Variants in JADE2 observed in about 807,000 individuals in gnomAD.
JADE2 encodes the protein jade family PHD finger 2.
Under a neutral mutation model 85.7 loss-of-function variants are expected in JADE2, and 13 were observed. The observed-to-expected ratio is 0.15, with a 90% CI of 0.10 to 0.24. JADE2 has a LOEUF of 0.24. Ranked by LOEUF, JADE2 falls within the 10% of genes least tolerant of loss-of-function variation. JADE2 has a pLI of 1.00. For synonymous variants in JADE2, 440 were observed against 456.1 expected (o/e 0.96, Z 0.45); for missense variants, 846 against 1,115.9 (o/e 0.76, Z 3.45).
At chr5:134,564,424 C>T in intron 7 of JADE2, 70 bp from the exon 8 acceptor site, 2 of 1,051,132 alleles carry the variant, frequency 1.9e-6, no homozygotes, top group Non-Finnish European at 2.7e-6. Context: ...CAGACAAACC[C>T]CCATTTTGGA....
At chr5:134,536,983 T>C (rs1034585776) in intron 2 of JADE2, among the ~76,000 whole-genome samples, 1 of 152,220 alleles carries the variant, frequency 6.6e-6, no homozygotes, top group African/African-American at 2.4e-5. Flanking sequence ...TTGTTGTCCT[T>C]TGGGCTCTGT....
intron 1 of JADE2, 35 bp from the exon 2 acceptor site, chr5:134,535,823 A>G (rs1055003625): frequency 3.1e-6 from 5 of 1,599,892 alleles, no homozygotes; most frequent in Non-Finnish European, 4.3e-6. Context: ...TTCCCAAGCC[A>G]TCCGTGAGTA....
At chr5:134,567,514 A>G (rs1175955105) in intron 9 of JADE2, among the ~76,000 whole-genome samples, 1 of 151,936 alleles carries the variant, frequency 6.6e-6, no homozygotes, top group African/African-American at 2.4e-5. Context: ...AGCATATGGG[A>G]CCGTGTCACA....
chr5:134,573,849 T>C (rs761052119), intron 10 of JADE2, 87 bp downstream of exon 10: 1 of 872,298 alleles, frequency 1.1e-6, no homozygotes, highest in Non-Finnish European at 2.0e-6. Flanking sequence ...CTTTGGATCC[T>C]GGTGGGGGTA....
Position 134,538,150 on chromosome 5 carries a change from G to T in JADE2, c.153+67G>T, listed in dbSNP as rs1043376361. On this transcript the variant is annotated intron_variant, in intron 3 of 11. Transcript: ENST00000681547. ...AGTGAGCTGCCCTGCGGAGACTGGG[G>T]CAGAGCATTCCTGGCAGAGGGCACG... 1.6e-5 allele frequency: 21 copies of T among 1,310,418 alleles called. No homozygotes were observed. The African/African-American group carries it at 2.2e-4, about 14-fold the overall frequency. The allele number at this position is 1,310,418 out of a possible 1,614,324, so 81.2% of individuals were successfully genotyped here.
At chr5:134,573,800 T>C (rs1451294695) in intron 10 of JADE2, 38 bp downstream of exon 10, 1 of 1,227,560 alleles carries the variant, frequency 8.1e-7, no homozygotes, top group Non-Finnish European at 1.2e-6. Context: ...CACCTCCCTG[T>C]GCCCTCTCTT....
chr5:134,559,316 C>T (rs571988083), intron 4 of JADE2, among the ~76,000 whole-genome samples: 39 of 152,268 alleles, frequency 2.6e-4, no homozygotes, highest in Non-Finnish European at 4.9e-4. Flanking sequence ...TCTGAGAGTA[C>T]GTAGACAACC....
At chr5:134,539,298 T>C (rs1013027034) in intron 3 of JADE2, among the ~76,000 whole-genome samples, 27 of 151,950 alleles carry the variant, frequency 1.8e-4, no homozygotes, top group East Asian at 7.8e-4. Context: ...CTCCTGACCT[T>C]GTGATCCGCC....
intron 3 of JADE2, among the ~76,000 whole-genome samples, chr5:134,543,351 G>C (rs910939063): frequency 6.7e-6 from 1 of 149,432 alleles, no homozygotes; most frequent in Non-Finnish European, 1.5e-5. Flanking sequence ...TTTTTAACAA[G>C]ACCTGCTATT....
rs1763403609 is a variant in JADE2, at chr5:134,562,764, A to G, written c.852+397A>G. Among the ~76,000 whole-genome samples the G allele has an allele frequency of 6.6e-6, 1 of 152,012 alleles. No homozygotes were observed. The highest frequency in any genetic ancestry group is 1.5e-5 in the Non-Finnish European group (1 of 67,970). On this transcript the variant is annotated intron_variant, in intron 7 of 11. Coordinates refer to ENST00000681547, the MANE Select transcript of JADE2 (RefSeq NM_001388185.1). This position sits in a 1 kb window ranked among gnomAD's most constrained non-coding sequence, Gnocchi z 4.6. ...GGGTGACAGAGCAAGACTCCGTCTG[A>G]AAAACAAAACAAAACAAAGCACACA...
chr5:134,564,624 T>C lies in JADE2; in HGVS notation c.969+14T>C. Reference sequence around the variant, plus strand: ...ACCTGCATCCAGGTATGTGGCCTACTTCACCTCCTGCTGCCAGGAGCTGGC... The same window carrying C: ...ACCTGCATCCAGGTATGTGGCCTACCTCACCTCCTGCTGCCAGGAGCTGGC... On this transcript the variant is annotated intron_variant, in intron 8 of 11. Transcript: ENST00000681547. 6.7e-7 allele frequency: 1 copy of C among 1,496,252 alleles called. No individual in the cohort carries two copies. Among genetic ancestry groups the C allele is most frequent in the Non-Finnish European group, 9.0e-7 (1 of 1,107,178 alleles). The allele number at this position is 1,496,252 out of a possible 1,614,324, so 92.7% of individuals were successfully genotyped here.
rs1207093951 is a variant in JADE2, at chr5:134,562,195, C to T, written c.685-5C>T. The T allele has an allele frequency of 2.5e-6, 4 of 1,607,464 alleles. No homozygotes were observed. The highest frequency in any genetic ancestry group is 2.5e-6 in the Non-Finnish European group (3 of 1,176,734). On this transcript the variant is annotated splice_region_variant and splice_polypyrimidine_tract_variant and intron_variant, in intron 6 of 11. Coordinates refer to ENST00000681547, the MANE Select transcript of JADE2 (RefSeq NM_001388185.1). This position sits in a 1 kb window ranked among gnomAD's most constrained non-coding sequence, Gnocchi z 4.6. ...CTGACTCATGACCACCCTGCTCTCT[C>T]CTAGGCATGCTACGGGATCCTCAAG...
chr5:134,561,022 C>G (rs1244673471), intron 6 of JADE2, 65 bp downstream of exon 6: 2 of 1,418,986 alleles, frequency 1.4e-6, no homozygotes, highest in Non-Finnish European at 2.0e-6. Flanking sequence ...GCAGCGACCC[C>G]CACTTGGCTC....
chr5:134,577,937 A>C (rs534484748), intron 11 of JADE2, among the ~76,000 whole-genome samples: 2 of 152,196 alleles, frequency 1.3e-5, no homozygotes, highest in South Asian at 4.1e-4. Context: ...AAGCGCTGGG[A>C]GGCAACGCTT....
Position 134,579,543 on chromosome 5 carries a change from C to A in JADE2, c.*226C>A. 1 of 542,996 alleles carries A rather than the reference C, an allele frequency of 1.8e-6. No individual in the cohort carries two copies. The allele number at this position is 542,996 out of a possible 1,614,324, so 33.6% of individuals were successfully genotyped here. ...CCTTCCACGGCTCCGGCCGCTAGGA[C>A]CCTGCCAGGTCCCGCGCACCATCCC... On this transcript the variant is annotated 3_prime_UTR_variant, in exon 12 of 12. Coordinates refer to ENST00000681547, the MANE Select transcript of JADE2 (RefSeq NM_001388185.1). This position sits in a 1 kb window ranked among gnomAD's most constrained non-coding sequence, Gnocchi z 4.6.
intron 1 of JADE2, among the ~76,000 whole-genome samples, chr5:134,533,199 C>T (rs1178179550): frequency 6.6e-6 from 1 of 152,168 alleles, no homozygotes; most frequent in Non-Finnish European, 1.5e-5. Flanking sequence ...GACTTTCCGA[C>T]CTGGTCCAAG....
intron 3 of JADE2, among the ~76,000 whole-genome samples, chr5:134,540,819 C>T (rs920370857): frequency 6.6e-6 from 1 of 152,206 alleles, no homozygotes; most frequent in Admixed American, 6.5e-5. Context: ...TTCCTCCAAT[C>T]TCCAGTGGGA....
intron 4 of JADE2, among the ~76,000 whole-genome samples, chr5:134,557,184 G>T (rs923938825): frequency 3.3e-5 from 5 of 151,186 alleles, no homozygotes; most frequent in Admixed American, 6.6e-5. Context: ...CATAAAGTAG[G>T]TATTATTATT....
upstream of JADE2, chr5:134,524,508 A>T (rs976614876): frequency 2.0e-5 from 3 of 152,428 alleles, no homozygotes; most frequent in Non-Finnish European, 2.9e-5. Context: ...CTTCCTCGCC[A>T]TGTGCCAGCC....
Sources: allele counts gnomAD v4.1 joint callset (sites outside exome capture counted in the v4.1 genomes callset), GRCh38; gene constraint gnomAD v4.1.1; non-coding constraint Gnocchi (gnomAD v3.1); transcripts MANE v1.5; gene names NCBI Gene and HGNC (gene_info 2026-07-23, HGNC 2026-07-21).